Variants in SLC5A11 observed in about 807,000 individuals in gnomAD.
The protein encoded by SLC5A11 is solute carrier family 5 member 11.
In SLC5A11, 48 loss-of-function variants were observed where a neutral mutation model predicts 69.8. The observed-to-expected ratio is 0.69, with a 90% CI of 0.55 to 0.87. The LOEUF (loss-of-function observed/expected upper bound fraction) is 0.87. Ranked by LOEUF, SLC5A11 falls within the 40% of genes least tolerant of loss-of-function variation. The pLI is 0.00. For missense variants in SLC5A11, 784 were observed against 866.1 expected, an observed-to-expected ratio of 0.91 and a Z score of 1.19; for synonymous variants, 319 against 342.4, an observed-to-expected ratio of 0.93 and a Z score of 0.75.
At chr16:24,852,449 C>A (rs1429472860) in intron 1 of SLC5A11, among the ~76,000 whole-genome samples, 1 of 152,152 alleles carries the variant, frequency 6.6e-6, no homozygotes, top group Non-Finnish European at 1.5e-5. Context: ...GGCCAATAGG[C>A]GACCTCAAGG....
intron 7 of SLC5A11, among the ~76,000 whole-genome samples, chr16:24,877,885 G>A (rs1050450916): frequency 2.0e-5 from 3 of 152,240 alleles, no homozygotes; most frequent in East Asian, 3.8e-4. Flanking sequence ...TCAGGAGGCC[G>A]AGGCAGGAGA....
At chr16:24,860,379 C>A (rs140420362) in intron 2 of SLC5A11, among the ~76,000 whole-genome samples, 93 of 152,220 alleles carry the variant, frequency 6.1e-4, no homozygotes, top group Non-Finnish European at 1.0e-3. Flanking sequence ...TCACTTGAAC[C>A]TGGGAAGCAG....
chr16:24,877,374 AC>A lies in SLC5A11; in HGVS notation c.583+12del. On this transcript the variant is annotated intron_variant, in intron 7 of 15. Coordinates refer to ENST00000347898, the Ensembl canonical transcript of SLC5A11. ...TATACACGGTTGCTGGTAAGACTGA[AC>A]AAAGGGTAACACCTAGCAGAGGCAG... 2 of 1,604,088 alleles carry A rather than the reference AC, an allele frequency of 1.2e-6. No individual in the cohort carries two copies. Among genetic ancestry groups the A allele is most frequent in the South Asian group, 2.2e-5 (2 of 90,560 alleles).
intron 8 of SLC5A11, among the ~76,000 whole-genome samples, chr16:24,890,499 AAAAAAAAAAAAAAAAAGAAGG>A: frequency 1.3e-5 from 1 of 74,486 alleles, no homozygotes; most frequent in East Asian, 3.8e-4. Context: ...AAAAAAAAAA[AAAAAAAAAAAAAAAAAGAAGG>A]AAGGAAGGAA....
Position 24,882,415 on chromosome 16 carries a change from C to A in SLC5A11, c.584-1636C>A, listed in dbSNP as rs180690350. Among the ~76,000 whole-genome samples, 252 of 152,272 alleles carry A rather than the reference C, an allele frequency of 1.7e-3. 2 individuals are homozygous for A. Among genetic ancestry groups the A allele is most frequent in the Non-Finnish European group, 5.3e-4 (36 of 68,012 alleles). ...CCAGTTCTCCTCCCCTTTGTGAGAG[C>A]CCTATTCCTGCTGGGAAGGAAGGAG... On this transcript the variant is annotated intron_variant, in intron 7 of 15. Transcript: ENST00000347898.
chr16:24,891,330 T>C lies in SLC5A11; in HGVS notation c.870+256T>C, dbSNP rs992557811. Among the ~76,000 whole-genome samples the C allele has an allele frequency of 4.6e-4, 49 of 105,560 alleles. No homozygotes were observed. In the Middle Eastern group the frequency reaches 0.016, roughly 34 times the overall value. 69.3% of individuals were successfully genotyped at this position (105,560 alleles called of 152,430 possible). On this transcript the variant is annotated intron_variant, in intron 9 of 15. Coordinates refer to ENST00000347898, the Ensembl canonical transcript of SLC5A11. ...TCTGCCTTTTTTTTTTTTTTTTTTT[T>C]CTGAGACAGGGTCTCACTCTATCAC...
intron 10 of SLC5A11, among the ~76,000 whole-genome samples, chr16:24,900,049 A>C (rs274096): frequency 0.21 from 31,610 of 151,994 alleles, 4,012 homozygotes; most frequent in South Asian, 0.42. Flanking sequence ...AGGCCTCTAG[A>C]GCATTTGCTT....
chr16:24,906,946 C>T, intron 11 of SLC5A11, 79 bp from the exon 13 acceptor site: 1 of 1,562,452 alleles, frequency 6.4e-7, no homozygotes, highest in Non-Finnish European at 8.7e-7. Flanking sequence ...TGAGGTTCTG[C>T]CTCCTCCAGT....
In SLC5A11 at chr16:24,909,076, G is replaced by A. The variant is rs576793240; in HGVS notation, c.1630G>A (p.Glu544Lys). 1.1e-5 allele frequency: 17 copies of A among 1,614,118 alleles called. 1 individual carries two copies. The South Asian group carries it at 1.3e-4, about 13-fold the overall frequency. ...TGTCTCCACCGTGAGCTGGTTCACA[G>A]AGCCACCCTCCAAGGAGATGGTACA... The change falls in exon 14 of 16, where the codon GAG (glutamate) becomes AAG (lysine). Residue 544 changes from glutamate (E) to lysine (K), a missense_variant. By Grantham distance (56) the Glu-to-Lys change is moderately conservative (BLOSUM62 1). Around this residue, in one of 3 missense-constraint regions of SLC5A11, gnomAD observed 550 missense variants for 606.4 expected, o/e 0.91. Coordinates refer to ENST00000347898, the Ensembl canonical transcript of SLC5A11.
chr16:24,865,270 G>T (rs1219614285), intron 3 of SLC5A11, among the ~76,000 whole-genome samples: 1 of 152,152 alleles, frequency 6.6e-6, no homozygotes, highest in Non-Finnish European at 1.5e-5. Context: ...TTACATACAG[G>T]AAGTCTTCGG....
At position 24,869,832 on chromosome 16, in the gene SLC5A11, A is replaced by G. The variant is rs2047157180; in HGVS notation, c.208-69A>G. On this transcript the variant is annotated intron_variant, in intron 3 of 15. Coordinates refer to ENST00000347898, the Ensembl canonical transcript of SLC5A11. ...TTCTCTGTCCCTTTGGAGCATGGAAATAATTGGGGGTGGGGAGCAGGTACC... is the reference window on the plus strand; with the variant it reads ...TTCTCTGTCCCTTTGGAGCATGGAAGTAATTGGGGGTGGGGAGCAGGTACC... 18 of 1,108,704 alleles carry G rather than the reference A, an allele frequency of 1.6e-5. No individual in the cohort carries two copies. In the South Asian group the frequency reaches 2.3e-4, roughly 14 times the overall value. The allele number at this position is 1,108,704 out of a possible 1,614,324, so 68.7% of individuals were successfully genotyped here.
At chr16:24,892,893 A>AC in intron 9 of SLC5A11, among the ~76,000 whole-genome samples, 1 of 152,026 alleles carries the variant, frequency 6.6e-6, no homozygotes, top group African/African-American at 2.4e-5. Context: ...TAAGAGAGAG[A>AC]CCCCCTTCTC....
intron 15 of SLC5A11, among the ~76,000 whole-genome samples, chr16:24,911,110 A>G (rs561637797): frequency 1.4e-5 from 2 of 147,486 alleles, no homozygotes; most frequent in African/African-American, 5.1e-5. Context: ...TGGAGGTTGC[A>G]GTGAGCCGAG....
chr16:24,893,816 C>G (rs1359310047), intron 9 of SLC5A11, among the ~76,000 whole-genome samples: 5 of 152,156 alleles, frequency 3.3e-5, no homozygotes, highest in Non-Finnish European at 7.4e-5. Context: ...AAGTGATCCA[C>G]CCACCTCGGC....
At chr16:24,875,568 G>C in intron 5 of SLC5A11, 59 bp from the exon 7 acceptor site, 1 of 1,401,872 alleles carries the variant, frequency 7.1e-7, no homozygotes, top group Non-Finnish European at 1.0e-6. Context: ...GCTTGTGTGG[G>C]GGGGTCACGT....
intron 9 of SLC5A11, among the ~76,000 whole-genome samples, chr16:24,897,496 G>A (rs1386339545): frequency 6.6e-6 from 1 of 152,114 alleles, no homozygotes; most frequent in Non-Finnish European, 1.5e-5. Flanking sequence ...ACAGAAGCTT[G>A]GCAAACCAAG....
At chr16:24,884,776 T>C (rs1366795882) in intron 8 of SLC5A11, among the ~76,000 whole-genome samples, 3 of 152,104 alleles carry the variant, frequency 2.0e-5, no homozygotes, top group Non-Finnish European at 2.9e-5. Context: ...GGTATCACTC[T>C]GCCACCCAGG....
intron 1 of SLC5A11, among the ~76,000 whole-genome samples, chr16:24,854,468 C>A (rs1271540165): frequency 6.6e-6 from 1 of 151,726 alleles, no homozygotes; most frequent in Non-Finnish European, 1.5e-5. Context: ...CTCACTCTGT[C>A]CCCCAGGCTG....
intron 8 of SLC5A11, among the ~76,000 whole-genome samples, chr16:24,887,183 A>C (rs889140211): frequency 1.3e-5 from 2 of 152,182 alleles, no homozygotes; most frequent in African/African-American, 4.8e-5. Flanking sequence ...AACCATGCAA[A>C]GACTTAGTAA....
Sources: gnomAD v4.1 joint callset for allele counts (sites outside exome capture counted in the v4.1 genomes callset) on GRCh38, gnomAD v4.1.1 for gene constraint, gnomAD v4.1.1 regional missense constraint, MANE v1.5 for transcripts, NCBI Gene and HGNC (gene_info 2026-07-23, HGNC 2026-07-21) for gene names.